Variants in OCIAD1 observed in about 807,000 individuals in gnomAD.
OCIAD1 encodes the protein OCIA domain-containing protein 1.
OCIAD1 carries 29 observed loss-of-function variants against 38.9 expected under a neutral mutation model. The observed-to-expected ratio is 0.74, with a 90% CI of 0.55 to 1.02. The LOEUF (loss-of-function observed/expected upper bound fraction) is 1.02. OCIAD1 is among the 50% of genes least tolerant of loss of function. The probability of loss-of-function intolerance (pLI) is 0.00; values close to 1 mark genes in which losing one functional copy is unlikely to be tolerated. For missense variants in OCIAD1, 288 were observed against 289.6 expected (o/e 0.99, Z 0.04); for synonymous variants, 110 against 92.0 (o/e 1.20, Z -1.12).
At position 48,860,900 on chromosome 4, in the gene OCIAD1, T is replaced by C. The variant is rs1370545445; in HGVS notation, c.*138T>C. ...AGATCCTGGGTTTTTGTGGTTTGAC[T>C]TCTATGGTGTTTTAAAAAAACACAG... On this transcript the variant is annotated 3_prime_UTR_variant, in exon 9 of 9. Coordinates refer to ENST00000264312, the MANE Select transcript of OCIAD1 (RefSeq NM_017830.4). The C allele has an allele frequency of 1.9e-5, 13 of 695,056 alleles. No individual in the cohort carries two copies. In the East Asian group the frequency reaches 3.1e-4, roughly 16 times the overall value. The allele number at this position is 695,056 out of a possible 1,614,324, so 43.1% of individuals were successfully genotyped here.
chr4:48,841,137 C>T (rs190899311), intron 3 of OCIAD1, among the ~76,000 whole-genome samples: 11 of 152,274 alleles, frequency 7.2e-5, no homozygotes, highest in Admixed American at 4.6e-4. Context: ...AACACAGCTA[C>T]GTTCATGTGT....
Position 48,861,671 on chromosome 4 carries a change from G to A in OCIAD1, c.*909G>A, listed in dbSNP as rs1780601894. 6.6e-6 allele frequency: 1 copy of A among 152,158 alleles called. No homozygotes were observed. Among genetic ancestry groups the A allele is most frequent in the Non-Finnish European group, 1.5e-5 (1 of 68,038 alleles). The allele number at this position is 152,158 out of a possible 1,614,324, so 9.4% of individuals were successfully genotyped here. A position where few individuals can be genotyped will look rare whatever the true frequency, so the allele number is the denominator to read the frequency against. On this transcript the variant is annotated 3_prime_UTR_variant, in exon 9 of 9. Coordinates refer to ENST00000264312, the MANE Select transcript of OCIAD1 (RefSeq NM_017830.4). ...ACTGAACTCCAGCCTGTGCGACTGA[G>A]TGAGACCCTGTGTCTAAAAAAATAA... is the stretch of plus-strand genomic sequence containing the variant.
At chr4:48,831,771 C>G (rs1777529688) in intron 1 of OCIAD1, among the ~76,000 whole-genome samples, 1 of 152,044 alleles carries the variant, frequency 6.6e-6, no homozygotes, top group Non-Finnish European at 1.5e-5. Context: ...TATTTCTTTT[C>G]TCTAATTAAG....
At chr4:48,806,182 G>T (rs867984592) in intron 1 of OCIAD1, among the ~76,000 whole-genome samples, 1 of 151,904 alleles carries the variant, frequency 6.6e-6, no homozygotes, top group Non-Finnish European at 1.5e-5. Flanking sequence ...CAGGAGAATC[G>T]CTTGAACCCG....
At chr4:48,859,751 T>C (rs1475575610) in intron 8 of OCIAD1, among the ~76,000 whole-genome samples, 1 of 152,194 alleles carries the variant, frequency 6.6e-6, no homozygotes, top group African/African-American at 2.4e-5. Context: ...ATTCACATGG[T>C]CAGAAAGTGT....
chr4:48,860,884 GT>G lies in OCIAD1; in HGVS notation c.*127del. 1 of 741,814 alleles carries G rather than the reference GT, an allele frequency of 1.3e-6. No individual in the cohort carries two copies. Among genetic ancestry groups the G allele is most frequent in the Non-Finnish European group, 2.3e-6 (1 of 428,114 alleles). 46.0% of individuals were successfully genotyped at this position (741,814 alleles called of 1,614,324 possible). A position where few individuals can be genotyped will look rare whatever the true frequency, so the allele number is the denominator to read the frequency against. ...AAACACATTTAAAACAAGATCCTGG[GT>G]TTTTGTGGTTTGACTTCTATGGTGT... On this transcript the variant is annotated 3_prime_UTR_variant, in exon 9 of 9. Transcript: ENST00000264312.
At chr4:48,853,242 C>T (rs1344342719) in intron 7 of OCIAD1, among the ~76,000 whole-genome samples, 1 of 152,016 alleles carries the variant, frequency 6.6e-6, no homozygotes, top group Non-Finnish European at 1.5e-5. Context: ...TAGCAGAATA[C>T]CCTGACCTAA....
At chr4:48,830,345 G>C (rs982331838), upstream of OCIAD1, among the ~76,000 whole-genome samples, 3 of 152,222 alleles carry the variant, frequency 2.0e-5, no homozygotes. Context: ...GAGAGGCTTT[G>C]AGGGGTTGAC....
In OCIAD1 at chr4:48,857,335, C is replaced by A; in HGVS notation, c.670C>A (p.Pro224Thr). 1 of 1,580,778 alleles carries A rather than the reference C, an allele frequency of 6.3e-7. No individual in the cohort carries two copies. Among genetic ancestry groups the A allele is most frequent in the Non-Finnish European group, 8.6e-7 (1 of 1,164,810 alleles). Residue 224 changes from proline (P) to threonine (T), a missense_variant, in exon 8 of 9, where the codon CCT becomes ACT. Coordinates refer to ENST00000264312, the MANE Select transcript of OCIAD1 (RefSeq NM_017830.4). ...ACAAAAGACTGACCCCTCAGTCAGG[C>A]CTATGCATGAAAGAGTGCCAAAAAA... ...LTQKTDPSVRPMHERVPKKEV... is the reference protein window; with the variant it reads ...LTQKTDPSVRTMHERVPKKEV...
At chr4:48,840,423 A>G (rs1778411023) in intron 3 of OCIAD1, among the ~76,000 whole-genome samples, 1 of 152,228 alleles carries the variant, frequency 6.6e-6, no homozygotes, top group African/African-American at 2.4e-5. Context: ...CTAACTAGCC[A>G]ACATTAAAGA....
At chr4:48,831,546 T>TA in intron 1 of OCIAD1, 1 of 1,290,690 alleles carries the variant, frequency 7.7e-7, no homozygotes, top group South Asian at 1.2e-5. Context: ...TCAGCGGTTG[T>TA]AGGCCGCTTA....
intron 4 of OCIAD1, among the ~76,000 whole-genome samples, chr4:48,843,110 G>A (rs1333272692): frequency 6.6e-6 from 1 of 152,164 alleles, no homozygotes; most frequent in Non-Finnish European, 1.5e-5. Context: ...CTGATCACCT[G>A]GGGCGGATGA....
chr4:48,828,345 T>C (rs878966623), upstream of OCIAD1, among the ~76,000 whole-genome samples: 2 of 152,166 alleles, frequency 1.3e-5, no homozygotes, highest in African/African-American at 4.8e-5. Flanking sequence ...CTCTGTACAA[T>C]GGACCAATCA....
At chr4:48,849,720 T>G (rs1317550330) in intron 5 of OCIAD1, among the ~76,000 whole-genome samples, 1 of 152,220 alleles carries the variant, frequency 6.6e-6, no homozygotes, top group Non-Finnish European at 1.5e-5. Context: ...TATAGCAGCT[T>G]TATTTTGGCA....
intron 1 of OCIAD1, among the ~76,000 whole-genome samples, chr4:48,812,988 C>T (rs1043398381): frequency 6.6e-6 from 1 of 152,116 alleles, no homozygotes; most frequent in African/African-American, 2.4e-5. Context: ...CTCTCAAGTA[C>T]AGGGCTGGTC....
chr4:48,817,374 A>G (rs1315535700), intron 1 of OCIAD1, among the ~76,000 whole-genome samples: 1 of 151,864 alleles, frequency 6.6e-6, no homozygotes, highest in African/African-American at 2.4e-5. Context: ...GTATTTTTTC[A>G]TACCCCCAGT....
At chr4:48,814,012 C>T (rs1386484038) in intron 1 of OCIAD1, among the ~76,000 whole-genome samples, 4 of 152,044 alleles carry the variant, frequency 2.6e-5, no homozygotes, top group African/African-American at 9.7e-5. Context: ...TTTTTTAAGA[C>T]TGAGATTGAT....
intron 4 of OCIAD1, among the ~76,000 whole-genome samples, chr4:48,846,187 T>C (rs1270547985): frequency 2.6e-5 from 4 of 152,238 alleles, no homozygotes; most frequent in Non-Finnish European, 4.4e-5. Context: ...AAGGAACAAC[T>C]TTTTAATGTA....
chr4:48,854,162 G>T (rs768396603), intron 7 of OCIAD1, among the ~76,000 whole-genome samples: 1 of 152,056 alleles, frequency 6.6e-6, no homozygotes. Flanking sequence ...GGATAAGTTC[G>T]AAGACCCCTG....
Sources: allele counts gnomAD v4.1 joint callset (sites outside exome capture counted in the v4.1 genomes callset), GRCh38; gene constraint gnomAD v4.1.1; transcripts MANE v1.5; gene names NCBI Gene and HGNC (gene_info 2026-07-23, HGNC 2026-07-21).